Variants in IFT52 observed in about 807,000 individuals in gnomAD.
IFT52 encodes the protein intraflagellar transport 52.
A neutral mutation model predicts 54.4 loss-of-function variants in IFT52; 44 were observed. That is an observed-to-expected ratio of 0.81 (90% CI 0.63 to 1.04). IFT52 has a LOEUF of 1.04. Ranked by LOEUF, IFT52 falls within the 50% of genes least tolerant of loss-of-function variation. The pLI is 0.00. For missense variants in IFT52, 452 were observed against 523.6 expected (o/e 0.86, Z 1.33); for synonymous variants, 181 against 185.3 (o/e 0.98, Z 0.19).
At chr20:43,625,311 C>G (rs1984635239) in intron 10 of IFT52, among the ~76,000 whole-genome samples, 1 of 152,010 alleles carries the variant, frequency 6.6e-6, no homozygotes. Context: ...GCGTTCGAGA[C>G]CAGCCTGGCC....
chr20:43,628,854 CA>C (rs11086884), intron 10 of IFT52, among the ~76,000 whole-genome samples: 5,461 of 148,436 alleles, frequency 0.037, 97 homozygotes, highest in Middle Eastern at 0.045. Context: ...GACTCCATCT[CA>C]AAAAAAAAAA....
intron 12 of IFT52, among the ~76,000 whole-genome samples, chr20:43,638,352 G>C (rs543935122): frequency 6.6e-6 from 1 of 152,172 alleles, no homozygotes; most frequent in East Asian, 1.9e-4. Context: ...CGCCACGCAT[G>C]GCTAATTTTT....
Position 43,629,625 on chromosome 20 carries a change from A to G in IFT52, c.923+5580A>G, listed in dbSNP as rs1278661159. Among the ~76,000 whole-genome samples, 3 of 152,124 alleles carry G rather than the reference A, an allele frequency of 2.0e-5. No individual in the cohort carries two copies. The East Asian group carries it at 5.8e-4, about 29-fold the overall frequency. ...CCCACTTTCTGCCAAGAGCCTGCAA[A>G]TACTACCACATTTACTGTTTACAAC... On this transcript the variant is annotated intron_variant, in intron 10 of 13. Coordinates refer to ENST00000373030, the MANE Select transcript of IFT52 (RefSeq NM_016004.5).
intron 10 of IFT52, among the ~76,000 whole-genome samples, chr20:43,624,863 C>G (rs1301122706): frequency 6.6e-6 from 1 of 152,104 alleles, no homozygotes; most frequent in East Asian, 1.9e-4. Context: ...ATCCGGAGAG[C>G]AAGAGCCATG....
intron 10 of IFT52, among the ~76,000 whole-genome samples, chr20:43,635,620 C>T (rs910300843): frequency 5.9e-5 from 9 of 152,108 alleles, no homozygotes; most frequent in Admixed American, 2.0e-4. Context: ...TTTATGGCTG[C>T]GTAGTATTCA....
At chr20:43,633,149 G>A (rs1209896800) in intron 10 of IFT52, among the ~76,000 whole-genome samples, 1 of 151,900 alleles carries the variant, frequency 6.6e-6, no homozygotes, top group Non-Finnish European at 1.5e-5. Flanking sequence ...TTCGAGACCA[G>A]CCTGACCAAC....
chr20:43,618,010 A>T (rs945716271), intron 7 of IFT52, among the ~76,000 whole-genome samples: 1 of 152,166 alleles, frequency 6.6e-6, no homozygotes, highest in South Asian at 2.1e-4. Context: ...TGGCCTCCCA[A>T]AGTGCTGGGA....
At chr20:43,604,038 C>T (rs1982661816) in intron 4 of IFT52, 145 bp from the exon 5 acceptor site, 2 of 932,868 alleles carry the variant, frequency 2.1e-6, no homozygotes. Flanking sequence ...GTCTGAGCCT[C>T]CTAGGCTTGG....
At chr20:43,633,536 C>G (rs759748467) in intron 10 of IFT52, among the ~76,000 whole-genome samples, 6 of 151,424 alleles carry the variant, frequency 4.0e-5, no homozygotes, top group Non-Finnish European at 8.8e-5. Context: ...GGTGAAACCC[C>G]ATCTCTACTA....
At chr20:43,595,862 G>C (rs571528345) in intron 2 of IFT52, among the ~76,000 whole-genome samples, 2 of 152,062 alleles carry the variant, frequency 1.3e-5, no homozygotes, top group Non-Finnish European at 2.9e-5. Context: ...ACTCCAGCCT[G>C]GGAAACAGAG....
intron 12 of IFT52, 89 bp from the exon 13 acceptor site, chr20:43,642,390 T>A: frequency 8.3e-7 from 1 of 1,203,954 alleles, no homozygotes; most frequent in Admixed American, 2.1e-5. Flanking sequence ...TGTGGAAACA[T>A]GACAGGGCAT....
At chr20:43,633,996 C>T (rs1228862913) in intron 10 of IFT52, among the ~76,000 whole-genome samples, 1 of 151,734 alleles carries the variant, frequency 6.6e-6, no homozygotes, top group East Asian at 1.9e-4. Flanking sequence ...AGCCCTTGTC[C>T]CTACTAAAAT....
At chr20:43,641,104 A>G (rs427205) in intron 12 of IFT52, among the ~76,000 whole-genome samples, 115,954 of 151,084 alleles carry the variant, frequency 0.77, 44,760 homozygotes, top group East Asian at 0.8. Flanking sequence ...ATGGCTGTCT[A>G]TCCTACATGT....
intron 3 of IFT52, among the ~76,000 whole-genome samples, chr20:43,600,564 G>T (rs1240561431): frequency 6.6e-6 from 1 of 151,952 alleles, no homozygotes; most frequent in Non-Finnish European, 1.5e-5. Flanking sequence ...TTGGCCTCTG[G>T]TAAAGTTCTG....
At chr20:43,622,353 C>T (rs1008831111) in intron 9 of IFT52, among the ~76,000 whole-genome samples, 2 of 152,054 alleles carry the variant, frequency 1.3e-5, no homozygotes, top group Non-Finnish European at 2.9e-5. Context: ...AATCCCAGCA[C>T]TTTGGGAGGC....
At chr20:43,635,245 G>C (rs567791312) in intron 10 of IFT52, among the ~76,000 whole-genome samples, 1 of 151,830 alleles carries the variant, frequency 6.6e-6, no homozygotes, top group South Asian at 2.1e-4. Flanking sequence ...AGTTTGCTAA[G>C]GATAATGGCC....
Position 43,628,428 on chromosome 20 carries a change from G to A in IFT52, c.923+4383G>A, listed in dbSNP as rs117054836. ...TTGTTTACGCTGTAAAGGGAAAATC[G>A]CCTACTCAAGCACAGATGGGAAACA... On this transcript the variant is annotated intron_variant, in intron 10 of 13. Coordinates refer to ENST00000373030, the MANE Select transcript of IFT52 (RefSeq NM_016004.5). 4.1e-3 allele frequency among the ~76,000 whole-genome samples: 630 copies of A among 152,260 alleles called. 12 individuals carry two copies. In the East Asian group the frequency reaches 0.059, roughly 14 times the overall value.
intron 10 of IFT52, among the ~76,000 whole-genome samples, chr20:43,633,961 C>T (rs951768128): frequency 2.7e-4 from 41 of 151,666 alleles, no homozygotes; most frequent in African/African-American, 8.7e-4. Context: ...GCCAGGGGTT[C>T]GAGACCAGCC....
chr20:43,606,273 CTTTTTTTTT>C (rs1173335571), intron 6 of IFT52, among the ~76,000 whole-genome samples: 1 of 134,942 alleles, frequency 7.4e-6, no homozygotes, highest in African/African-American at 2.8e-5. Context: ...AAATGAACAT[CTTTTTTTTT>C]TTTTTTTTTG....
Sources: allele counts gnomAD v4.1 joint callset (sites outside exome capture counted in the v4.1 genomes callset), GRCh38; gene constraint gnomAD v4.1.1; transcripts MANE v1.5; gene names NCBI Gene and HGNC (gene_info 2026-07-23, HGNC 2026-07-21).